The following DRC8 variants were observed in gnomAD, a reference collection of about 807,000 sequenced individuals.
DRC8 encodes the protein dynein regulatory complex subunit 8.
chr1:245,005,278 T>A, the DRC8 span, among the ~76,000 whole-genome samples: 1 of 152,136 alleles, frequency 6.6e-6, no homozygotes, highest in Non-Finnish European at 1.5e-5. Flanking sequence ...AATACTGGCC[T>A]TATAGAATGA....
the DRC8 span, chr1:245,083,439 T>C: frequency 6.8e-6 from 11 of 1,613,464 alleles, no homozygotes; most frequent in East Asian, 1.8e-4. Flanking sequence ...TGCATAATTA[T>C]AGATACAGAC....
the DRC8 span, among the ~76,000 whole-genome samples, chr1:245,084,897 C>T: frequency 6.6e-6 from 1 of 152,256 alleles, no homozygotes; most frequent in Non-Finnish European, 1.5e-5. Flanking sequence ...CCCAAGAACT[C>T]TGACGCCATT....
At chr1:245,084,062 G>GCCCC in the DRC8 span, among the ~76,000 whole-genome samples, 23 of 77,948 alleles carry the variant, frequency 3.0e-4, 3 homozygotes, top group South Asian at 5.7e-4. Flanking sequence ...TAAAAATTCC[G>GCCCC]CCCCCCCCCC....
the DRC8 span, among the ~76,000 whole-genome samples, chr1:245,078,255 C>T: frequency 5.9e-5 from 9 of 152,078 alleles, no homozygotes; most frequent in Non-Finnish European, 1.2e-4. Context: ...ACAGCCACTA[C>T]GGAAAACAGT....
chr1:244,973,400 G>A, the DRC8 span, among the ~76,000 whole-genome samples: 1 of 152,208 alleles, frequency 6.6e-6, no homozygotes, highest in African/African-American at 2.4e-5. Context: ...TGTTAATACT[G>A]AGTGTTGTGC....
At chr1:245,115,965 T>C in the DRC8 span, among the ~76,000 whole-genome samples, 147,489 of 151,386 alleles carry the variant, frequency 0.97, 71,959 homozygotes, top group East Asian at 1. Context: ...CAGGTCACTG[T>C]AGCCTCTGCC....
At chr1:244,970,366 C>T in the DRC8 span, 72 of 1,530,086 alleles carry the variant, frequency 4.7e-5, no homozygotes, top group Non-Finnish European at 5.3e-5. Flanking sequence ...GGCCGGGACA[C>T]CGCGGCCGAG....
the DRC8 span, among the ~76,000 whole-genome samples, chr1:245,110,145 G>A: frequency 2.0e-5 from 3 of 152,136 alleles, no homozygotes; most frequent in African/African-American, 4.8e-5. Context: ...CACTTTGGGA[G>A]GCGGAGGCAG....
chr1:245,059,418 G>A, the DRC8 span: 2 of 1,612,334 alleles, frequency 1.2e-6, no homozygotes, highest in Non-Finnish European at 1.7e-6. Context: ...TCATTAGGAT[G>A]CTGTCCTACG....
the DRC8 span, among the ~76,000 whole-genome samples, chr1:245,093,825 T>G: frequency 1.3e-4 from 20 of 152,328 alleles, no homozygotes; most frequent in South Asian, 3.9e-3. Flanking sequence ...GGGCCATGGT[T>G]TTATATGTGT....
chr1:245,118,903 A>T, the DRC8 span, among the ~76,000 whole-genome samples: 2 of 152,124 alleles, frequency 1.3e-5, no homozygotes, highest in Non-Finnish European at 2.9e-5. Context: ...TAAGGAGAGA[A>T]CTTTACTTGC....
the DRC8 span, among the ~76,000 whole-genome samples, chr1:245,008,132 C>G: frequency 6.6e-6 from 1 of 151,286 alleles, no homozygotes; most frequent in South Asian, 2.1e-4. Flanking sequence ...GCCATGGTCT[C>G]ACCACAGCAC....
chr1:245,073,829 T>C, the DRC8 span, among the ~76,000 whole-genome samples: 2 of 152,288 alleles, frequency 1.3e-5, no homozygotes, highest in East Asian at 3.9e-4. Flanking sequence ...CAGGATCGAA[T>C]CCCTGCGTGA....
the DRC8 span, among the ~76,000 whole-genome samples, chr1:245,021,269 G>A: frequency 7.9e-5 from 12 of 151,882 alleles, no homozygotes; most frequent in African/African-American, 1.7e-4. Context: ...CGCTTTGAGC[G>A]CCTTGATAAT....
chr1:245,024,168 C>T, the DRC8 span, among the ~76,000 whole-genome samples: 2 of 150,756 alleles, frequency 1.3e-5, no homozygotes. Context: ...AGACTCTTAT[C>T]TCAAAAAAAA....
chr1:245,032,053 G>A, the DRC8 span, among the ~76,000 whole-genome samples: 1 of 152,150 alleles, frequency 6.6e-6, no homozygotes, highest in African/African-American at 2.4e-5. Context: ...GCCAACTGTA[G>A]CAATAGAGTT....
the DRC8 span, among the ~76,000 whole-genome samples, chr1:245,085,912 G>C: frequency 6.6e-6 from 1 of 152,194 alleles, no homozygotes; most frequent in African/African-American, 2.4e-5. Flanking sequence ...GAGTGTAGGC[G>C]ACAAAGCTGA....
At chr1:245,106,408 A>G in the DRC8 span, among the ~76,000 whole-genome samples, 1 of 152,216 alleles carries the variant, frequency 6.6e-6, no homozygotes, top group Admixed American at 6.5e-5. Context: ...GATAAATGAT[A>G]ACAGTACACC....
chr1:245,114,387 A>AC, the DRC8 span, among the ~76,000 whole-genome samples: 1 of 151,558 alleles, frequency 6.6e-6, no homozygotes, highest in Non-Finnish European at 1.5e-5. Flanking sequence ...ATTGCTTGAA[A>AC]CCCGGAGGCA....
Sources: allele counts gnomAD v4.1 joint callset (sites outside exome capture counted in the v4.1 genomes callset), GRCh38; gene constraint gnomAD v4.1.1; transcripts MANE v1.5; gene names NCBI Gene and HGNC (gene_info 2026-07-23, HGNC 2026-07-21).